The following CRADD variants were observed in gnomAD, a reference collection of about 807,000 sequenced individuals.
The protein encoded by CRADD is CARD and death domain containing adaptor protein, also known as death domain-containing protein CRADD.
In CRADD, 9 loss-of-function variants were observed where a neutral mutation model predicts 15.5. That is an observed-to-expected ratio of 0.58 (90% CI 0.35 to 1.01). The LOEUF is 1.01. CRADD is among the 50% of genes least tolerant of loss of function. The pLI is 0.02. For synonymous variants in CRADD, 118 were observed against 107.6 expected, an observed-to-expected ratio of 1.10 and a Z score of -0.60; for missense variants, 227 against 250.3, an observed-to-expected ratio of 0.91 and a Z score of 0.63.
chr12:93,891,592 ATG>A lies in CRADD; in HGVS notation c.299-2447_299-2446del, dbSNP rs1005420277. 2.0e-4 allele frequency among the ~76,000 whole-genome samples: 30 copies of A among 152,236 alleles called. 1 individual carries two copies. Among genetic ancestry groups the A allele is most frequent in the Admixed American group, 1.4e-3 (22 of 15,284 alleles). On this transcript the variant is annotated intron_variant, in intron 2 of 2. Transcript: ENST00000548483. ...CAGGGAGGTGTGCATGTACACACTTATGTGTGTGTGTGATGGAAGGGGTTAAC... is the reference window on the plus strand; with the variant it reads ...CAGGGAGGTGTGCATGTACACACTTATGTGTGTGTGATGGAAGGGGTTAAC...
At chr12:93,882,497 C>T (rs1186433975) in intron 2 of CRADD, among the ~76,000 whole-genome samples, 1 of 151,480 alleles carries the variant, frequency 6.6e-6, no homozygotes, top group Non-Finnish European at 1.5e-5. Context: ...CCCCCACCCC[C>T]GTGTGTGTGT....
At chr12:93,715,410 G>C (rs1956144369) in intron 2 of CRADD, among the ~76,000 whole-genome samples, 1 of 152,212 alleles carries the variant, frequency 6.6e-6, no homozygotes, top group South Asian at 2.1e-4. Flanking sequence ...ATTTATTGTA[G>C]AGGAACCTGT....
chr12:93,861,767 A>G (rs774500358), intron 2 of CRADD, among the ~76,000 whole-genome samples: 2 of 152,218 alleles, frequency 1.3e-5, no homozygotes, highest in Non-Finnish European at 2.9e-5. Context: ...CTCCAGGGGA[A>G]CATAGCTTGT....
intron 2 of CRADD, among the ~76,000 whole-genome samples, chr12:93,697,403 A>G (rs1270478620): frequency 6.6e-6 from 1 of 152,184 alleles, no homozygotes; most frequent in Non-Finnish European, 1.5e-5. Flanking sequence ...CCAGACACCA[A>G]ATGCTTGATC....
intron 2 of CRADD, among the ~76,000 whole-genome samples, chr12:93,715,956 A>C (rs1283718089): frequency 6.6e-6 from 1 of 152,086 alleles, no homozygotes. Flanking sequence ...AGCTTGGCCA[A>C]CATGGTGAAA....
chr12:93,738,128 C>G, intron 2 of CRADD: 3 of 586,378 alleles, frequency 5.1e-6, no homozygotes, highest in Middle Eastern at 2.8e-4. Context: ...TTGCAAAGGG[C>G]AGTCATGTTC....
chr12:93,804,489 G>T (rs1354805045), intron 2 of CRADD, among the ~76,000 whole-genome samples: 1 of 152,108 alleles, frequency 6.6e-6, no homozygotes, highest in Non-Finnish European at 1.5e-5. Context: ...TGAGAGATTT[G>T]GATCAAACTA....
chr12:93,776,912 A>G (rs895141903), intron 2 of CRADD, among the ~76,000 whole-genome samples: 1 of 152,178 alleles, frequency 6.6e-6, no homozygotes, highest in African/African-American at 2.4e-5. Context: ...TGATACGTAA[A>G]GGGTTTCTTT....
chr12:93,688,047 C>T (rs868729267), intron 2 of CRADD, among the ~76,000 whole-genome samples: 8 of 152,196 alleles, frequency 5.3e-5, no homozygotes, highest in Non-Finnish European at 1.0e-4. Context: ...GAGTCTCCTG[C>T]TGAAGAACGA....
chr12:93,739,383 G>C (rs1450344890), intron 2 of CRADD, among the ~76,000 whole-genome samples: 1 of 151,314 alleles, frequency 6.6e-6, no homozygotes, highest in Non-Finnish European at 1.5e-5. Context: ...AAAAACTAAT[G>C]TATTATTTAG....
chr12:93,840,177 A>G (rs1006368388), intron 2 of CRADD, among the ~76,000 whole-genome samples: 4 of 152,156 alleles, frequency 2.6e-5, no homozygotes, highest in South Asian at 2.1e-4. Context: ...GCATCTTTAT[A>G]TTATAACAAT....
At chr12:93,748,219 T>C (rs1450248892) in intron 2 of CRADD, among the ~76,000 whole-genome samples, 1 of 152,190 alleles carries the variant, frequency 6.6e-6, no homozygotes, top group African/African-American at 2.4e-5. Context: ...CAGAAATCCT[T>C]TCCTTGTCTC....
chr12:93,751,466 A>G (rs879701535), intron 2 of CRADD, among the ~76,000 whole-genome samples: 4 of 152,224 alleles, frequency 2.6e-5, no homozygotes, highest in Admixed American at 6.5e-5. Context: ...AAAGACAAAA[A>G]CTAAGGAAGC....
At chr12:93,853,815 G>A (rs537143495), downstream of CRADD, among the ~76,000 whole-genome samples, 5 of 152,294 alleles carry the variant, frequency 3.3e-5, no homozygotes, top group East Asian at 5.8e-4. Context: ...GATAGTCTAC[G>A]TGTTGCCACT....
Position 93,843,865 on chromosome 12 carries a change from C to T in CRADD, c.299-6105C>T, listed in dbSNP as rs182352733. On this transcript the variant is annotated intron_variant, in intron 2 of 2. Transcript: ENST00000332896. ...CCTCCCAAGTAGCTGGAATTACAGG[C>T]GTACACCACCATACCTGGCTAATTT... 4.6e-4 allele frequency among the ~76,000 whole-genome samples: 70 copies of T among 152,038 alleles called. No homozygotes were observed. In the East Asian group the frequency reaches 9.9e-3, roughly 21 times the overall value.
At chr12:93,688,032 A>G (rs1955479093) in intron 2 of CRADD, among the ~76,000 whole-genome samples, 1 of 152,224 alleles carries the variant, frequency 6.6e-6, no homozygotes, top group Non-Finnish European at 1.5e-5. Context: ...GTCCAAATGG[A>G]GACAGAGTCT....
chr12:93,827,763 A>G (rs1957840425), intron 2 of CRADD, among the ~76,000 whole-genome samples: 1 of 99,512 alleles, frequency 1.0e-5, no homozygotes, highest in African/African-American at 4.0e-5. Flanking sequence ...TGGTAAGAAC[A>G]CTTAACATGA....
intron 2 of CRADD, among the ~76,000 whole-genome samples, chr12:93,885,318 C>T (rs1326658829): frequency 2.6e-5 from 4 of 152,156 alleles, no homozygotes; most frequent in Non-Finnish European, 5.9e-5. Flanking sequence ...TGCATTAAAC[C>T]AAAGATCCAC....
At chr12:93,746,015 G>A (rs916958695) in intron 2 of CRADD, among the ~76,000 whole-genome samples, 1 of 152,156 alleles carries the variant, frequency 6.6e-6, no homozygotes, top group African/African-American at 2.4e-5. Context: ...AATAAGGCTA[G>A]GAGAAAAATA....
Sources: gnomAD v4.1 joint callset for allele counts (sites outside exome capture counted in the v4.1 genomes callset) on GRCh38, gnomAD v4.1.1 for gene constraint, MANE v1.5 for transcripts, NCBI Gene and HGNC (gene_info 2026-07-23, HGNC 2026-07-21) for gene names.